Variants in SMOC1 observed in about 807,000 individuals in gnomAD.
SMOC1 encodes the protein SPARC related modular calcium binding 1.
Under a neutral mutation model 56.3 loss-of-function variants are expected in SMOC1, and 22 were observed. That is an observed-to-expected ratio of 0.39 (90% CI 0.28 to 0.56). SMOC1 has a LOEUF of 0.56. Ranked by LOEUF, SMOC1 falls within the 20% of genes least tolerant of loss-of-function variation. The pLI, the probability that SMOC1 is intolerant of heterozygous loss-of-function variation, is 0.61. For synonymous variants in SMOC1, 193 were observed against 215.0 expected (o/e 0.90, Z 0.89); for missense variants, 509 against 565.4 (o/e 0.90, Z 1.01).
intron 1 of SMOC1, among the ~76,000 whole-genome samples, chr14:69,926,075 G>A (rs1203125979): frequency 6.6e-6 from 1 of 151,662 alleles, no homozygotes; most frequent in East Asian, 1.9e-4. Flanking sequence ...TCCTGAATTG[G>A]CTCCTGACTT....
At chr14:69,921,537 G>A (rs1884842788) in intron 1 of SMOC1, among the ~76,000 whole-genome samples, 1 of 152,168 alleles carries the variant, frequency 6.6e-6, no homozygotes, top group South Asian at 2.1e-4. Context: ...TGAGTCCTGG[G>A]GCTCTGGGTC....
rs190059853 is a variant in SMOC1 at position 69,955,509 on chromosome 14, A to G, written c.378+1977A>G. ...CCTATAATTAGTATTGTTAATGATCATTATTATAGCTTCCCTCATTAGGTT... is the reference window on the plus strand; with the variant it reads ...CCTATAATTAGTATTGTTAATGATCGTTATTATAGCTTCCCTCATTAGGTT... On this transcript the variant is annotated intron_variant, in intron 3 of 11. Coordinates refer to ENST00000361956, the MANE Select transcript of SMOC1 (RefSeq NM_001034852.3). Among the ~76,000 whole-genome samples, 177 of 152,208 alleles carry G rather than the reference A, an allele frequency of 1.2e-3. 1 individual carries two copies. The highest frequency in any genetic ancestry group is 2.1e-3 in the Admixed American group (32 of 15,284).
chr14:70,013,998 T>A (rs989071935), intron 10 of SMOC1, among the ~76,000 whole-genome samples: 1 of 152,102 alleles, frequency 6.6e-6, no homozygotes, highest in Non-Finnish European at 1.5e-5. Context: ...GGAATTGAGG[T>A]GGTAGCTGAG....
chr14:70,028,740 ACT>A (rs1886025430), intron 11 of SMOC1, among the ~76,000 whole-genome samples: 1 of 151,680 alleles, frequency 6.6e-6, no homozygotes, highest in Non-Finnish European at 1.5e-5. Context: ...CAGCAGCCTG[ACT>A]CTGCCGCTTC....
chr14:70,015,523 C>T (rs1358937824), intron 10 of SMOC1, among the ~76,000 whole-genome samples: 1 of 152,000 alleles, frequency 6.6e-6, no homozygotes, highest in African/African-American at 2.4e-5. Context: ...GTCTTGGAAA[C>T]TGCTTGTTGG....
intron 6 of SMOC1, among the ~76,000 whole-genome samples, chr14:69,992,754 T>C (rs1884610502): frequency 6.6e-6 from 1 of 152,164 alleles, no homozygotes; most frequent in African/African-American, 2.4e-5. Context: ...CCCTTGGAGC[T>C]GCCAAGACCC....
chr14:70,013,577 C>A, intron 10 of SMOC1, 86 bp downstream of exon 10: 3 of 1,181,200 alleles, frequency 2.5e-6, no homozygotes, highest in Non-Finnish European at 2.5e-6. Flanking sequence ...AGAGAGTGGG[C>A]AGGGTTTGAG....
At chr14:69,930,394 C>G (rs908888654) in intron 1 of SMOC1, among the ~76,000 whole-genome samples, 4 of 152,288 alleles carry the variant, frequency 2.6e-5, no homozygotes, top group Admixed American at 2.0e-4. Flanking sequence ...TGGATGTGCT[C>G]TTGGCATGAG....
Position 69,932,457 on chromosome 14 carries a change from A to G in SMOC1, c.100-19681A>G, listed in dbSNP as rs557769312. 3.8e-4 allele frequency among the ~76,000 whole-genome samples: 58 copies of G among 152,260 alleles called. 2 individuals carry two copies. In the South Asian group the frequency reaches 0.012, roughly 32 times the overall value. On this transcript the variant is annotated intron_variant, in intron 1 of 11. Coordinates refer to ENST00000361956, the MANE Select transcript of SMOC1 (RefSeq NM_001034852.3). ...GGGTGTGCTGAGTGAAAGGAGTGGT[A>G]GAAGTGAGGAACAAAGCCGCCACAA...
At chr14:70,007,344 A>G (rs1462508419) in intron 7 of SMOC1, among the ~76,000 whole-genome samples, 1 of 152,238 alleles carries the variant, frequency 6.6e-6, no homozygotes, top group African/African-American at 2.4e-5. Flanking sequence ...AATAGATGTT[A>G]GCTATTGTTA....
At chr14:69,891,035 C>T (rs1370941992) in intron 1 of SMOC1, among the ~76,000 whole-genome samples, 1 of 152,164 alleles carries the variant, frequency 6.6e-6, no homozygotes, top group Non-Finnish European at 1.5e-5. Context: ...TTACACAGTA[C>T]TGAAAATGAC....
At chr14:69,948,245 C>G (rs981424761) in intron 1 of SMOC1, among the ~76,000 whole-genome samples, 1 of 152,162 alleles carries the variant, frequency 6.6e-6, no homozygotes, top group African/African-American at 2.4e-5. Flanking sequence ...TGTGTGAAAA[C>G]AATCACAAAT....
At chr14:69,952,048 T>C in intron 1 of SMOC1, 90 bp from the exon 2 acceptor site, 1 of 1,473,054 alleles carries the variant, frequency 6.8e-7, no homozygotes, top group African/African-American at 1.4e-5. Flanking sequence ...ACTTACTTTC[T>C]AAAGGCAAAC....
chr14:69,940,092 A>ACT (rs1882490941), intron 1 of SMOC1, among the ~76,000 whole-genome samples: 1 of 152,208 alleles, frequency 6.6e-6, no homozygotes, highest in African/African-American at 2.4e-5. Flanking sequence ...CACTTTGTCC[A>ACT]GAATCTCTAC....
chr14:70,021,402 A>G (rs1594860010), intron 10 of SMOC1, among the ~76,000 whole-genome samples: 1 of 152,240 alleles, frequency 6.6e-6, no homozygotes, highest in Non-Finnish European at 1.5e-5. Flanking sequence ...AATACTGTGT[A>G]TGCTGGCAGA....
chr14:69,930,216 C>G (rs1594807944), intron 1 of SMOC1, among the ~76,000 whole-genome samples: 1 of 152,190 alleles, frequency 6.6e-6, no homozygotes, highest in East Asian at 1.9e-4. Flanking sequence ...TTCTCACCCC[C>G]CTGACAGCAC....
chr14:69,999,504 C>T (rs766590672), intron 7 of SMOC1, among the ~76,000 whole-genome samples: 12 of 152,318 alleles, frequency 7.9e-5, no homozygotes, highest in Middle Eastern at 3.4e-3. Context: ...AATCCACTAA[C>T]GTTAGCAGCC....
chr14:70,004,494 A>C (rs899302299), intron 7 of SMOC1, among the ~76,000 whole-genome samples: 1 of 152,212 alleles, frequency 6.6e-6, no homozygotes, highest in African/African-American at 2.4e-5. Context: ...AGGTTTCCCC[A>C]AAAAGAAGGA....
At chr14:69,944,691 C>G (rs1178296715) in intron 1 of SMOC1, among the ~76,000 whole-genome samples, 3 of 152,092 alleles carry the variant, frequency 2.0e-5, no homozygotes, top group Admixed American at 1.3e-4. Context: ...AGTTTTCCAC[C>G]TTGACATATA....
Sources: gnomAD v4.1 joint callset for allele counts (sites outside exome capture counted in the v4.1 genomes callset) on GRCh38, gnomAD v4.1.1 for gene constraint, MANE v1.5 for transcripts, NCBI Gene and HGNC (gene_info 2026-07-23, HGNC 2026-07-21) for gene names.